Variants in MYLK2 observed in about 807,000 individuals in gnomAD.
The protein encoded by MYLK2 is myosin light chain kinase 2, skeletal/cardiac muscle.
In MYLK2, 27 loss-of-function variants were observed where a neutral mutation model predicts 58.2. The observed-to-expected ratio is 0.46, with a 90% CI of 0.34 to 0.64. The LOEUF (loss-of-function observed/expected upper bound fraction) is 0.64. Among genes scored for constraint, MYLK2 ranks in the 30% least tolerant of loss-of-function variants. MYLK2 has a pLI of 0.01. For synonymous variants in MYLK2, 310 were observed against 296.7 expected (o/e 1.04, Z -0.46); for missense variants, 676 against 764.3 (o/e 0.88, Z 1.36).
intron 10 of MYLK2, 123 bp from the exon 11 acceptor site, chr20:31,831,580 G>C: frequency 8.7e-7 from 1 of 1,146,676 alleles, no homozygotes; most frequent in Admixed American, 1.9e-5. Flanking sequence ...TCCCACGAGA[G>C]GCTGGGGGTC....
chr20:31,825,755 G>T (rs2062275781), intron 6 of MYLK2, among the ~76,000 whole-genome samples: 1 of 152,218 alleles, frequency 6.6e-6, no homozygotes, highest in Admixed American at 6.5e-5. Context: ...ACAAGGGTTA[G>T]TGTTTAACCA....
chr20:31,828,995 G>T (rs1285691558), intron 8 of MYLK2, among the ~76,000 whole-genome samples: 1 of 152,146 alleles, frequency 6.6e-6, no homozygotes. Flanking sequence ...AATCTGATGT[G>T]CTGAGGGTTT....
rs186773680 is a variant in MYLK2, at chr20:31,821,404, G to A, written c.474-35G>A. ...TTGCCTGATGCCACAGGCTGTGGCC[G>A]CTGAGGGCTTCACCTCTGTGTTCTC... On this transcript the variant is annotated intron_variant, in intron 3 of 12. Coordinates refer to ENST00000375985, the MANE Select transcript of MYLK2 (RefSeq NM_033118.4). The A allele has an allele frequency of 9.4e-5, 151 of 1,611,410 alleles. No individual in the cohort carries two copies. The African/African-American group carries it at 1.3e-3, about 14-fold the overall frequency.
At chr20:31,831,244 C>A in intron 10 of MYLK2, 103 bp downstream of exon 10, 1 of 1,533,240 alleles carries the variant, frequency 6.5e-7, no homozygotes, top group Non-Finnish European at 9.0e-7. Context: ...GTCCCACCTC[C>A]CCTATCCCTC....
chr20:31,824,210 C>T (rs367979199), intron 5 of MYLK2, 49 bp from the exon 6 acceptor site: 1 of 1,591,418 alleles, frequency 6.3e-7, no homozygotes, highest in Non-Finnish European at 8.6e-7. Context: ...ATGCCACTGA[C>T]CCCGGTGGGC....
chr20:31,821,429 C>A lies in MYLK2; in HGVS notation c.474-10C>A, dbSNP rs772534999. ...GCTGAGGGCTTCACCTCTGTGTTCT[C>A]ACCTTCTAGTTCTGAGAAGCTGCTG... On this transcript the variant is annotated splice_polypyrimidine_tract_variant and intron_variant, in intron 3 of 12. Transcript: ENST00000375985. 1 of 1,612,958 alleles carries A rather than the reference C, an allele frequency of 6.2e-7. No homozygotes were observed. The highest frequency in any genetic ancestry group is 1.7e-5 in the Admixed American group (1 of 60,026).
At position 31,834,027 on chromosome 20, in the gene MYLK2, C is replaced by G. The variant is rs1244997170; in HGVS notation, c.*230C>G. ...TCCATCCTGCTAGCACCTCCCCAGA[C>G]AGGGCTCCAGCCTGTCGGCCACACC... On this transcript the variant is annotated 3_prime_UTR_variant, in exon 13 of 13. Transcript: ENST00000375985. 7.1e-6 allele frequency: 4 copies of G among 567,274 alleles called. No homozygotes were observed. The highest frequency in any genetic ancestry group is 3.0e-5 in the Admixed American group (1 of 32,892). 35.1% of individuals were successfully genotyped at this position (567,274 alleles called of 1,614,324 possible).
Position 31,821,713 on chromosome 20 carries a change from G to C in MYLK2, c.748G>C (p.Glu250Gln), listed in dbSNP as rs1085307713. 3.1e-6 allele frequency: 5 copies of C among 1,606,180 alleles called. No homozygotes were observed. In the African/African-American group the frequency reaches 6.7e-5, roughly 21 times the overall value. ...VGQALCLTAR[E>Q]EDCFQILDDC... ...GCAGGCCCTCTGTCTCACAGCCAGG[G>C]AGGAGGACTGCTTCCAGATTTTGGG... is the stretch of plus-strand genomic sequence containing the variant. The change falls in exon 4 of 13, where the codon GAG becomes CAG. Residue 250 changes from glutamate to glutamine, a missense_variant. This residue lies in a region of MYLK2 where 370 missense variants were observed against 467.8 expected (regional missense o/e 0.79). Coordinates refer to ENST00000375985, the MANE Select transcript of MYLK2 (RefSeq NM_033118.4).
Position 31,820,421 on chromosome 20 carries a change from A to G in MYLK2, c.348A>G (p.Gly116=), listed in dbSNP as rs754876521. ...TSVKKPKAEQ[G]ASGSQDPGKP... ...TCAAGAAGCCCAAGGCTGAGCAGGG[A>G]GCCTCAGGCAGCCAGGATCCTGGAA... The change falls in exon 3 of 13, where the codon GGA becomes GGG. Residue 116 remains glycine (G), a synonymous_variant. Transcript: ENST00000375985. The G allele has an allele frequency of 3.7e-6, 6 of 1,612,800 alleles. No homozygotes were observed. Among genetic ancestry groups the G allele is most frequent in the Non-Finnish European group, 5.1e-6 (6 of 1,179,900 alleles).
At chr20:31,828,237 T>A (rs754778056) in intron 8 of MYLK2, 19 of 985,336 alleles carry the variant, frequency 1.9e-5, no homozygotes, top group Non-Finnish European at 2.3e-5. Flanking sequence ...TCCGTAGCTG[T>A]CCGGAGCTGA....
At chr20:31,819,746 C>T (rs551580125) in intron 2 of MYLK2, 114 bp downstream of exon 2, 6 of 1,259,990 alleles carry the variant, frequency 4.8e-6, no homozygotes, top group African/African-American at 1.5e-5. Flanking sequence ...TTGCATGGTG[C>T]ACGGGGGACC....
chr20:31,830,678 C>A, intron 8 of MYLK2, 141 bp from the exon 9 acceptor site: 1 of 873,700 alleles, frequency 1.1e-6, no homozygotes, highest in Non-Finnish European at 2.0e-6. Flanking sequence ...CCAGAGCAGG[C>A]AGGGCTGGAG....
intron 10 of MYLK2, 43 bp from the exon 11 acceptor site, chr20:31,831,660 C>T (rs757123062): frequency 2.5e-6 from 4 of 1,611,218 alleles, no homozygotes; most frequent in African/African-American, 2.7e-5. Flanking sequence ...GACTCAGCAC[C>T]TCCAATCTCA....
chr20:31,825,307 C>T (rs763660658), intron 6 of MYLK2, among the ~76,000 whole-genome samples: 3 of 152,180 alleles, frequency 2.0e-5, no homozygotes, highest in African/African-American at 7.2e-5. Flanking sequence ...TCTCCTAGGT[C>T]CCAGGCCTCT....
intron 10 of MYLK2, 146 bp downstream of exon 10, chr20:31,831,287 G>A (rs2062305254): frequency 8.0e-7 from 1 of 1,245,848 alleles, no homozygotes; most frequent in Non-Finnish European, 1.1e-6. Context: ...GGAGTGCTAG[G>A]GAGAACAGGA....
chr20:31,831,236 C>A, intron 10 of MYLK2, 95 bp downstream of exon 10: 5 of 1,558,790 alleles, frequency 3.2e-6, no homozygotes, highest in South Asian at 2.3e-5. Flanking sequence ...GTAAGGTGGT[C>A]CCACCTCCCC....
chr20:31,832,305 C>G (rs879561336), intron 12 of MYLK2, among the ~76,000 whole-genome samples, 169 bp downstream of exon 12: 1 of 152,178 alleles, frequency 6.6e-6, no homozygotes, highest in Non-Finnish European at 1.5e-5. Flanking sequence ...GGCTCCTGTC[C>G]TAGAGTGGAG....
intron 2 of MYLK2, 126 bp downstream of exon 2, chr20:31,819,758 A>G (rs917591418): frequency 2.2e-5 from 26 of 1,173,446 alleles, no homozygotes; most frequent in Non-Finnish European, 3.2e-5. Context: ...CGGGGGACCC[A>G]GAAATCAGAG....
intron 5 of MYLK2, 157 bp from the exon 6 acceptor site, chr20:31,824,102 G>A (rs1368694823): frequency 7.1e-6 from 7 of 985,338 alleles, no homozygotes; most frequent in Admixed American, 6.1e-5. Context: ...ACAGCTTCAG[G>A]AGGGAGTCAG....
Sources: allele counts gnomAD v4.1 joint callset (sites outside exome capture counted in the v4.1 genomes callset), GRCh38; gene constraint gnomAD v4.1.1; regional missense constraint gnomAD v4.1.1; transcripts MANE v1.5; gene names NCBI Gene and HGNC (gene_info 2026-07-23, HGNC 2026-07-21).